The following TAF1B variants were observed in gnomAD, a reference collection of about 807,000 sequenced individuals.
TAF1B encodes TATA-box binding protein associated factor, RNA polymerase I subunit B, also known as TATA box-binding protein-associated factor RNA polymerase I subunit B.
TAF1B carries 61 observed loss-of-function variants against 83.9 expected under a neutral mutation model. That is an observed-to-expected ratio of 0.73 (90% CI 0.59 to 0.90). The LOEUF (loss-of-function observed/expected upper bound fraction) is 0.90, where lower values mean the gene tolerates loss of function less well. TAF1B is among the 40% of genes least tolerant of loss of function. The pLI is 0.00. For missense variants in TAF1B, 625 were observed against 677.0 expected (o/e 0.92, Z 0.85); for synonymous variants, 221 against 224.6 (o/e 0.98, Z 0.14).
At chr2:9,906,487 T>C (rs1302726006) in intron 9 of TAF1B, among the ~76,000 whole-genome samples, 1 of 152,204 alleles carries the variant, frequency 6.6e-6, no homozygotes, top group Non-Finnish European at 1.5e-5. Flanking sequence ...TAAATGTCAT[T>C]AGTCTCTTTA....
chr2:9,845,903 G>A (rs1572206691), intron 2 of TAF1B: 1 of 327,428 alleles, frequency 3.1e-6, no homozygotes, highest in East Asian at 8.7e-5. Context: ...GAATCGCTTG[G>A]ACCCAGGAGG....
At chr2:9,917,794 C>G (rs1293899059) in intron 12 of TAF1B, among the ~76,000 whole-genome samples, 1 of 151,760 alleles carries the variant, frequency 6.6e-6, no homozygotes, top group Non-Finnish European at 1.5e-5. Flanking sequence ...TGGAGCCGGC[C>G]GGGCGCGGTG....
chr2:9,911,260 C>G (rs1402041352), intron 10 of TAF1B, among the ~76,000 whole-genome samples: 1 of 152,144 alleles, frequency 6.6e-6, no homozygotes, highest in Non-Finnish European at 1.5e-5. Flanking sequence ...TCCCTTTAGG[C>G]TCCTGGCAAT....
At chr2:9,929,703 A>T (rs960722719) in intron 14 of TAF1B, among the ~76,000 whole-genome samples, 1 of 152,216 alleles carries the variant, frequency 6.6e-6, no homozygotes, top group Non-Finnish European at 1.5e-5. Context: ...CCTCATAAAA[A>T]TGAGTTAGGG....
chr2:9,854,267 G>T (rs1160933527), intron 4 of TAF1B, 59 bp from the exon 5 acceptor site: 8 of 1,139,996 alleles, frequency 7.0e-6, no homozygotes, highest in Non-Finnish European at 1.1e-5. Context: ...GTGTAGATGT[G>T]CCTGTACATT....
At chr2:9,910,602 GT>G in intron 9 of TAF1B, 133 bp from the exon 10 acceptor site, 1 of 661,766 alleles carries the variant, frequency 1.5e-6, no homozygotes, top group Non-Finnish European at 2.4e-6. Context: ...ATGTTTTGAT[GT>G]TTTATTCACA....
At chr2:9,857,259 A>G (rs1258610175) in intron 5 of TAF1B, among the ~76,000 whole-genome samples, 1 of 152,208 alleles carries the variant, frequency 6.6e-6, no homozygotes, top group East Asian at 1.9e-4. Context: ...TGCTTCCTAT[A>G]CACAGTACAC....
Position 9,911,573 on chromosome 2 carries a change from A to C in TAF1B, c.1180+16A>C. The C allele has an allele frequency of 6.7e-7, 1 of 1,487,104 alleles. No homozygotes were observed. Among genetic ancestry groups the C allele is most frequent in the Non-Finnish European group, 9.1e-7 (1 of 1,103,536 alleles). The allele number at this position is 1,487,104 out of a possible 1,614,324, so 92.1% of individuals were successfully genotyped here. A position where few individuals can be genotyped will look rare whatever the true frequency, so the allele number is the denominator to read the frequency against. On this transcript the variant is annotated intron_variant, in intron 11 of 14. Coordinates refer to ENST00000263663, the MANE Select transcript of TAF1B (RefSeq NM_005680.3). Reference sequence around the variant, plus strand: ...AACAAAAAAGGTATTTTAATTTTTTATCATTCAAATTCAAAGTGGTTATAG... The same window carrying C: ...AACAAAAAAGGTATTTTAATTTTTTCTCATTCAAATTCAAAGTGGTTATAG...
In TAF1B at chr2:9,857,059, T is replaced by C. The variant is rs577064523; in HGVS notation, c.399+2638T>C. On this transcript the variant is annotated intron_variant, in intron 5 of 14. Coordinates refer to ENST00000263663, the MANE Select transcript of TAF1B (RefSeq NM_005680.3). The stretch of plus-strand genomic sequence containing the variant: ...GAAGAAGCAAATTAACAAGCAAATA[T>C]AGAGAGGGGGACACTGGGGAAGGGT... 3.3e-5 allele frequency among the ~76,000 whole-genome samples: 5 copies of C among 152,108 alleles called. No individual in the cohort carries two copies. The South Asian group carries it at 1.0e-3, about 32-fold the overall frequency.
intron 14 of TAF1B, among the ~76,000 whole-genome samples, chr2:9,932,848 GC>G (rs1471526935): frequency 3.3e-5 from 5 of 152,072 alleles, no homozygotes; most frequent in African/African-American, 1.2e-4. Flanking sequence ...CTTCCTGACC[GC>G]TTTGTTTACC....
chr2:9,932,606 C>G (rs925166206), intron 14 of TAF1B, among the ~76,000 whole-genome samples: 4 of 152,248 alleles, frequency 2.6e-5, no homozygotes, highest in African/African-American at 9.6e-5. Context: ...GAGGTGTCTC[C>G]CAGTTAGGCT....
At chr2:9,858,550 C>T (rs190758604) in intron 5 of TAF1B, among the ~76,000 whole-genome samples, 1 of 152,390 alleles carries the variant, frequency 6.6e-6, no homozygotes, top group Non-Finnish European at 1.5e-5. Flanking sequence ...CATTTCTCCT[C>T]TGCATTGCCC....
chr2:9,871,088 T>G (rs1036536697), intron 6 of TAF1B, among the ~76,000 whole-genome samples: 4 of 148,402 alleles, frequency 2.7e-5, no homozygotes, highest in African/African-American at 9.9e-5. Context: ...TTTGTTGTTG[T>G]TTTTTTTTTG....
rs76647234 is a variant in TAF1B, at chr2:9,867,455, A to G, written c.400-821A>G. Among the ~76,000 whole-genome samples the G allele has an allele frequency of 6.7e-3, 1,017 of 152,308 alleles. 17 individuals carry two copies. The highest frequency in any genetic ancestry group is 0.023 in the African/African-American group (937 of 41,548). On this transcript the variant is annotated intron_variant, in intron 5 of 14. Coordinates refer to ENST00000263663, the MANE Select transcript of TAF1B (RefSeq NM_005680.3). ...GATATGCTTGACAGAGGACACAAGC[A>G]TCTTACTTCATTCTCTGAGGTTTTT...
At chr2:9,872,320 C>T (rs1664193315) in intron 6 of TAF1B, among the ~76,000 whole-genome samples, 1 of 133,864 alleles carries the variant, frequency 7.5e-6, no homozygotes, top group African/African-American at 3.1e-5. Context: ...AGCGAGATTC[C>T]ATCTTAAAAA....
At chr2:9,924,573 C>T (rs1283401888) in intron 14 of TAF1B, among the ~76,000 whole-genome samples, 3 of 152,164 alleles carry the variant, frequency 2.0e-5, no homozygotes, top group African/African-American at 4.8e-5. Context: ...TGTGTGCCTT[C>T]GTGGTGGGTT....
At chr2:9,915,127 A>C (rs1558265375) in intron 12 of TAF1B, among the ~76,000 whole-genome samples, 1 of 152,228 alleles carries the variant, frequency 6.6e-6, no homozygotes, top group Non-Finnish European at 1.5e-5. Context: ...TGAGAAGAAC[A>C]TGGAGAAAAA....
intron 8 of TAF1B, among the ~76,000 whole-genome samples, chr2:9,892,168 G>A (rs450643): frequency 0.28 from 42,477 of 151,964 alleles, 6,919 homozygotes; most frequent in Middle Eastern, 0.4. Flanking sequence ...ATAAATACTT[G>A]CCATTGTGTT....
chr2:9,847,779 G>C lies in TAF1B; in HGVS notation c.118-1594G>C, dbSNP rs80188432. On this transcript the variant is annotated intron_variant, in intron 2 of 14. Coordinates refer to ENST00000263663, the MANE Select transcript of TAF1B (RefSeq NM_005680.3). ...AGATTTTTATGATCATAAGAGCAAT[G>C]CATGTTTACTATAGAAAATTTGGAA... is the stretch of plus-strand genomic sequence containing the variant. Among the ~76,000 whole-genome samples the C allele has an allele frequency of 3.9e-3, 597 of 152,304 alleles. 3 individuals are homozygous for C. The highest frequency in any genetic ancestry group is 0.013 in the African/African-American group (560 of 41,556).
Sources: allele counts gnomAD v4.1 joint callset (sites outside exome capture counted in the v4.1 genomes callset), GRCh38; gene constraint gnomAD v4.1.1; transcripts MANE v1.5; gene names NCBI Gene and HGNC (gene_info 2026-07-23, HGNC 2026-07-21).